The following DOCK3 variants were observed in gnomAD, a reference collection of about 807,000 sequenced individuals.
The protein encoded by DOCK3 is dedicator of cytokinesis protein 3.
DOCK3 carries 60 observed loss-of-function variants against 265.6 expected under a neutral mutation model. The ratio of observed to expected loss-of-function variants is 0.23; its 90% CI spans 0.18 to 0.28. The LOEUF (loss-of-function observed/expected upper bound fraction) is 0.28, where lower values mean the gene tolerates loss of function less well. DOCK3 is among the 10% of genes least tolerant of loss of function. The probability of loss-of-function intolerance (pLI) is 1.00; values close to 1 mark genes in which losing one functional copy is unlikely to be tolerated. For missense variants in DOCK3, 1,981 were observed against 2,594.3 expected, an observed-to-expected ratio of 0.76 and a Z score of 5.14; for synonymous variants, 881 against 938.0, an observed-to-expected ratio of 0.94 and a Z score of 1.11.
In DOCK3 at chr3:50,992,260, C is replaced by A. The variant is rs532840931; in HGVS notation, c.315+58183C>A. Among the ~76,000 whole-genome samples the A allele has an allele frequency of 6.6e-5, 10 of 152,254 alleles. No individual in the cohort carries two copies. The South Asian group carries it at 1.7e-3, about 25-fold the overall frequency. ...AAATCAGAACTGAACTGAAGGAAAT[C>A]GAGATGTGAAAAACAATTCAAAAGA... On this transcript the variant is annotated intron_variant, in intron 5 of 52. Transcript: ENST00000266037.
intron 2 of DOCK3, among the ~76,000 whole-genome samples, chr3:50,781,030 A>G (rs2041881376): frequency 6.6e-6 from 1 of 152,050 alleles, no homozygotes; most frequent in East Asian, 1.9e-4. Context: ...TGTATATACA[A>G]CATATTTTCT....
chr3:51,107,060 G>A (rs182534996), intron 9 of DOCK3, among the ~76,000 whole-genome samples: 1 of 152,330 alleles, frequency 6.6e-6, no homozygotes. Flanking sequence ...TCAGTTTCCA[G>A]AGTGAAACCA....
At chr3:51,010,205 G>A (rs1237565493) in intron 5 of DOCK3, among the ~76,000 whole-genome samples, 1 of 152,142 alleles carries the variant, frequency 6.6e-6, no homozygotes, top group African/African-American at 2.4e-5. Context: ...TCTGTCCAAT[G>A]TTGACAGTGG....
chr3:50,945,258 T>C (rs980230876), intron 5 of DOCK3, among the ~76,000 whole-genome samples: 1 of 152,198 alleles, frequency 6.6e-6, no homozygotes, highest in Non-Finnish European at 1.5e-5. Context: ...TATTAGAATT[T>C]TTGCTTTCCT....
At chr3:51,338,833 C>T in intron 36 of DOCK3, 102 bp from the exon 37 acceptor site, 1 of 969,574 alleles carries the variant, frequency 1.0e-6, no homozygotes, top group Non-Finnish European at 1.6e-6. Flanking sequence ...AGGGCCTGCC[C>T]TCCCCCTCCT....
intron 10 of DOCK3, among the ~76,000 whole-genome samples, chr3:51,147,877 A>G (rs2085379566): frequency 6.6e-6 from 1 of 152,288 alleles, no homozygotes; most frequent in Non-Finnish European, 1.5e-5. Context: ...CACAGGGTCA[A>G]ATGGTATTTC....
At chr3:51,348,313 C>T (rs1350199821) in intron 38 of DOCK3, among the ~76,000 whole-genome samples, 1 of 152,192 alleles carries the variant, frequency 6.6e-6, no homozygotes, top group Non-Finnish European at 1.5e-5. Flanking sequence ...AGACCTACTG[C>T]CAAGTCCTTG....
intron 3 of DOCK3, among the ~76,000 whole-genome samples, chr3:50,874,790 A>G (rs556803008): frequency 1.3e-5 from 2 of 152,232 alleles, no homozygotes; most frequent in East Asian, 3.9e-4. Flanking sequence ...TTGAGGTTGT[A>G]TGCTGCAACT....
At chr3:50,697,455 G>A (rs1299701263) in intron 1 of DOCK3, among the ~76,000 whole-genome samples, 2 of 152,084 alleles carry the variant, frequency 1.3e-5, no homozygotes, top group Non-Finnish European at 2.9e-5. Context: ...GCTGGGTGTG[G>A]TGGCGGGTGC....
chr3:50,810,936 T>C (rs1261503462), intron 2 of DOCK3, among the ~76,000 whole-genome samples: 13 of 152,244 alleles, frequency 8.5e-5, no homozygotes, highest in Admixed American at 8.5e-4. Context: ...TTGTACTGTA[T>C]GTTCATGATC....
chr3:50,769,171 T>C (rs2041112318), intron 1 of DOCK3, among the ~76,000 whole-genome samples: 3 of 152,152 alleles, frequency 2.0e-5, no homozygotes, highest in Admixed American at 6.5e-5. Context: ...TTTCCCATTC[T>C]GTAGATTGTC....
intron 32 of DOCK3, among the ~76,000 whole-genome samples, chr3:51,317,581 A>AAGT (rs2083439223): frequency 7.2e-6 from 1 of 139,154 alleles, no homozygotes; most frequent in Non-Finnish European, 1.5e-5. Context: ...CTCCATCACA[A>AAGT]AATAATAATA....
At chr3:50,922,332 C>T (rs1220611793) in intron 4 of DOCK3, among the ~76,000 whole-genome samples, 2 of 152,092 alleles carry the variant, frequency 1.3e-5, no homozygotes, top group African/African-American at 2.4e-5. Context: ...ATCGAGGCTC[C>T]GTGGGTGTAG....
At chr3:50,913,867 C>T (rs1347040976) in intron 4 of DOCK3, among the ~76,000 whole-genome samples, 1 of 151,956 alleles carries the variant, frequency 6.6e-6, no homozygotes, top group East Asian at 1.9e-4. Context: ...CTCTTTAGTG[C>T]CTGTTTCAGC....
chr3:50,869,709 G>A (rs2047345110), intron 3 of DOCK3, among the ~76,000 whole-genome samples: 1 of 20,386 alleles, frequency 4.9e-5, no homozygotes. Context: ...TTTTGGGTTT[G>A]ATTTGCTCGC....
chr3:50,944,632 G>A (rs897224083), intron 5 of DOCK3, among the ~76,000 whole-genome samples: 5 of 152,082 alleles, frequency 3.3e-5, no homozygotes, highest in African/African-American at 1.2e-4. Flanking sequence ...ATAAGAAAAA[G>A]GGAATTTTCC....
At chr3:51,088,146 C>T (rs1223773520) in intron 7 of DOCK3, among the ~76,000 whole-genome samples, 1 of 151,938 alleles carries the variant, frequency 6.6e-6, no homozygotes, top group Non-Finnish European at 1.5e-5. Flanking sequence ...ATAAGCCGGG[C>T]ACAGAAAGAC....
intron 49 of DOCK3, among the ~76,000 whole-genome samples, chr3:51,364,817 G>T (rs958021851): frequency 5.3e-5 from 8 of 151,942 alleles, no homozygotes; most frequent in Non-Finnish European, 1.0e-4. Context: ...ATTTTTGAGG[G>T]TTCTATTCTG....
intron 3 of DOCK3, among the ~76,000 whole-genome samples, chr3:50,852,616 T>C (rs2609009): frequency 0.98 from 149,079 of 152,136 alleles, 73,130 homozygotes; most frequent in Middle Eastern, 1. Context: ...TAGTGATAAT[T>C]CTCATTTATT....
Sources: allele counts gnomAD v4.1 joint callset (sites outside exome capture counted in the v4.1 genomes callset), GRCh38; gene constraint gnomAD v4.1.1; transcripts MANE v1.5; gene names NCBI Gene and HGNC (gene_info 2026-07-23, HGNC 2026-07-21).